The following ENTREP2 variants were observed in gnomAD, a reference collection of about 807,000 sequenced individuals.
ENTREP2 encodes the protein protein ENTREP2.
chr15:29,254,039 T>C, the ENTREP2 span, among the ~76,000 whole-genome samples: 10 of 152,006 alleles, frequency 6.6e-5, no homozygotes, highest in African/African-American at 1.9e-4. Context: ...GCACTCTTTC[T>C]GCACCTATGT....
chr15:29,648,289 C>T, the ENTREP2 span, among the ~76,000 whole-genome samples: 5,792 of 152,246 alleles, frequency 0.038, 338 homozygotes, highest in African/African-American at 0.13. Context: ...GGTTGCAAAA[C>T]GGTCAGTGCT....
chr15:29,535,010 C>G, the ENTREP2 span, among the ~76,000 whole-genome samples: 36 of 152,160 alleles, frequency 2.4e-4, 1 homozygote, highest in African/African-American at 7.7e-4. Flanking sequence ...TTTTGGGAGG[C>G]TGATGCAGGA....
At chr15:29,529,437 G>C in the ENTREP2 span, among the ~76,000 whole-genome samples, 1 of 151,950 alleles carries the variant, frequency 6.6e-6, no homozygotes, top group African/African-American at 2.4e-5. Context: ...CTCTGGGCTG[G>C]AGGGGCTGTC....
At chr15:29,134,269 G>A in the ENTREP2 span, among the ~76,000 whole-genome samples, 3,844 of 152,306 alleles carry the variant, frequency 0.025, 152 homozygotes, top group African/African-American at 0.087. Flanking sequence ...TGCCAGTTCA[G>A]GAATGGGATT....
chr15:29,467,349 C>T, the ENTREP2 span, among the ~76,000 whole-genome samples: 1 of 152,180 alleles, frequency 6.6e-6, no homozygotes, highest in Non-Finnish European at 1.5e-5. Context: ...ATGCAAAATG[C>T]AAACTGCCAG....
chr15:29,282,322 T>C, the ENTREP2 span, among the ~76,000 whole-genome samples: 1 of 152,220 alleles, frequency 6.6e-6, no homozygotes, highest in East Asian at 1.9e-4. Flanking sequence ...ATGTAAGACG[T>C]GCCCTTTGCC....
At chr15:29,423,541 A>C in the ENTREP2 span, among the ~76,000 whole-genome samples, 1 of 151,768 alleles carries the variant, frequency 6.6e-6, no homozygotes, top group African/African-American at 2.4e-5. Flanking sequence ...TAATCCCAGC[A>C]CTTCAGGAGG....
chr15:29,357,477 G>C, the ENTREP2 span, among the ~76,000 whole-genome samples: 1 of 151,784 alleles, frequency 6.6e-6, no homozygotes, highest in East Asian at 1.9e-4. Context: ...GTAAGAAAAA[G>C]AGAAATGACA....
chr15:29,624,613 G>A, the ENTREP2 span, among the ~76,000 whole-genome samples: 1 of 152,162 alleles, frequency 6.6e-6, no homozygotes, highest in Admixed American at 6.5e-5. Context: ...CAGAATTTAA[G>A]AAATTCTATA....
the ENTREP2 span, among the ~76,000 whole-genome samples, chr15:29,298,813 C>T: frequency 6.6e-6 from 1 of 152,274 alleles, no homozygotes; most frequent in South Asian, 2.1e-4. Flanking sequence ...ACCAGTCTTA[C>T]ATGAACTCTT....
the ENTREP2 span, among the ~76,000 whole-genome samples, chr15:29,336,979 G>A: frequency 4.6e-5 from 7 of 152,170 alleles, no homozygotes; most frequent in African/African-American, 1.7e-4. Flanking sequence ...GCATCTTACA[G>A]ATCTCCTTCC....
the ENTREP2 span, among the ~76,000 whole-genome samples, chr15:29,543,878 C>T: frequency 1.3e-5 from 2 of 151,888 alleles, no homozygotes; most frequent in East Asian, 1.9e-4. Flanking sequence ...TGGTCTATTA[C>T]CAAAATGATG....
At chr15:29,328,455 A>T in the ENTREP2 span, among the ~76,000 whole-genome samples, 1 of 152,236 alleles carries the variant, frequency 6.6e-6, no homozygotes, top group Non-Finnish European at 1.5e-5. Context: ...GGAGGATCTC[A>T]GGATCCTAAT....
At chr15:29,214,699 A>AAAT in the ENTREP2 span, among the ~76,000 whole-genome samples, 3 of 151,778 alleles carry the variant, frequency 2.0e-5, no homozygotes, top group African/African-American at 7.3e-5. Context: ...ATAAAAAAAA[A>AAAT]AAATGTAAAA....
chr15:29,269,296 A>T, the ENTREP2 span: 1 of 1,614,120 alleles, frequency 6.2e-7, no homozygotes, highest in Non-Finnish European at 8.5e-7. Context: ...ATACCCGAAG[A>T]CGTACTGGAG....
chr15:29,546,377 C>A, the ENTREP2 span, among the ~76,000 whole-genome samples: 2 of 151,922 alleles, frequency 1.3e-5, no homozygotes, highest in Non-Finnish European at 1.5e-5. Context: ...AATGCAGAGT[C>A]CAATTTGCAA....
At chr15:29,482,589 G>A in the ENTREP2 span, among the ~76,000 whole-genome samples, 28 of 152,260 alleles carry the variant, frequency 1.8e-4, no homozygotes, top group African/African-American at 6.7e-4. Flanking sequence ...GGGAATCACA[G>A]CAGTGTGTAG....
the ENTREP2 span, among the ~76,000 whole-genome samples, chr15:29,626,027 T>C: frequency 6.6e-6 from 1 of 152,106 alleles, no homozygotes; most frequent in East Asian, 1.9e-4. Context: ...TTTTGTATTT[T>C]AGTAGAGACA....
At chr15:29,352,272 A>G in the ENTREP2 span, among the ~76,000 whole-genome samples, 1 of 152,172 alleles carries the variant, frequency 6.6e-6, no homozygotes, top group Non-Finnish European at 1.5e-5. Context: ...CCCATATAGA[A>G]TGATGGAGGT....
Sources: allele counts gnomAD v4.1 joint callset (sites outside exome capture counted in the v4.1 genomes callset), GRCh38; gene constraint gnomAD v4.1.1; transcripts MANE v1.5; gene names NCBI Gene and HGNC (gene_info 2026-07-23, HGNC 2026-07-21).